Variants in BDP1 observed in about 807,000 individuals in gnomAD.
BDP1 encodes BDP1 general transcription factor IIIB subunit.
BDP1 carries 169 observed loss-of-function variants against 266.6 expected under a neutral mutation model. That is an observed-to-expected ratio of 0.63 (90% CI 0.56 to 0.72). The LOEUF (loss-of-function observed/expected upper bound fraction) is 0.72. Among genes scored for constraint, BDP1 ranks in the 30% least tolerant of loss-of-function variants. The pLI, the probability that BDP1 is intolerant of heterozygous loss-of-function variation, is 0.00. For missense variants in BDP1, 3,015 were observed against 3,053.8 expected (o/e 0.99, Z 0.30); for synonymous variants, 1,090 against 1,022.4 (o/e 1.07, Z -1.26).
chr5:71,524,407 C>A, intron 25 of BDP1, 84 bp downstream of exon 25: 1 of 1,331,982 alleles, frequency 7.5e-7, no homozygotes, highest in Non-Finnish European at 1.0e-6. Flanking sequence ...TATTTCTTCT[C>A]GTAGTGATTA....
chr5:71,497,254 A>C lies in BDP1; in HGVS notation c.1800-16A>C, dbSNP rs368482464. On this transcript the variant is annotated splice_polypyrimidine_tract_variant and intron_variant, in intron 12 of 38. Transcript: ENST00000358731. ...ACTGCATGTTTGATGCTATTTAAAT[A>C]ATGTTAATTTTTCAGGGAAATTGAT... 8 of 1,609,026 alleles carry C rather than the reference A, an allele frequency of 5.0e-6. No individual in the cohort carries two copies. Among genetic ancestry groups the C allele is most frequent in the Non-Finnish European group, 6.8e-6 (8 of 1,176,644 alleles).
chr5:71,457,452 A>T (rs1355373706), intron 1 of BDP1, among the ~76,000 whole-genome samples: 1 of 151,496 alleles, frequency 6.6e-6, no homozygotes, highest in Non-Finnish European at 1.5e-5. Context: ...AGTATCTGGG[A>T]CTACAGGCGT....
At chr5:71,480,569 C>T (rs1223574000) in intron 7 of BDP1, among the ~76,000 whole-genome samples, 2 of 68,818 alleles carry the variant, frequency 2.9e-5, no homozygotes, top group Non-Finnish European at 6.8e-5. Context: ...TGTGCCCGGC[C>T]ATTTTTTTTT....
chr5:71,516,724 C>T (rs1765243179), intron 21 of BDP1, among the ~76,000 whole-genome samples: 1 of 152,048 alleles, frequency 6.6e-6, no homozygotes, highest in Non-Finnish European at 1.5e-5. Context: ...GTATAACATG[C>T]TGTTTTGAGT....
At chr5:71,476,679 T>C (rs1762606640) in intron 7 of BDP1, among the ~76,000 whole-genome samples, 3 of 151,924 alleles carry the variant, frequency 2.0e-5, no homozygotes, top group African/African-American at 7.3e-5. Flanking sequence ...TAGCTTGGAA[T>C]TACAGGCGCG....
At position 71,498,880 on chromosome 5, in the gene BDP1, C is replaced by T. The variant is rs189844794; in HGVS notation, c.1956+1454C>T. 3.5e-3 allele frequency among the ~76,000 whole-genome samples: 528 copies of T among 151,908 alleles called. 3 individuals are homozygous for T. Among genetic ancestry groups the T allele is most frequent in the African/African-American group, 0.012 (496 of 41,464 alleles). The stretch of plus-strand genomic sequence containing the variant: ...CTGGGATTGCAGGCATGCACCACCA[C>T]GCCCAGCTAATTTTTGTATTTTCAG... On this transcript the variant is annotated intron_variant, in intron 13 of 38. Transcript: ENST00000358731.
chr5:71,469,946 A>C (rs973120379), intron 6 of BDP1, among the ~76,000 whole-genome samples: 3 of 150,270 alleles, frequency 2.0e-5, no homozygotes, highest in Admixed American at 6.7e-5. Flanking sequence ...GGTTCAAGCG[A>C]TTCTCCTGCC....
chr5:71,480,107 G>T (rs1762852326), intron 7 of BDP1, among the ~76,000 whole-genome samples: 1 of 151,148 alleles, frequency 6.6e-6, no homozygotes, highest in South Asian at 2.1e-4. Context: ...ACCATGCCTG[G>T]CTAATTTTTT....
intron 16 of BDP1, among the ~76,000 whole-genome samples, chr5:71,507,395 ACAAT>A (rs367858090): frequency 4.3e-4 from 66 of 152,344 alleles, no homozygotes; most frequent in African/African-American, 1.5e-3. Context: ...TTACTTAGAA[ACAAT>A]CAATCTATTG....
intron 3 of BDP1, 130 bp from the exon 4 acceptor site, chr5:71,463,928 G>A (rs1156844285): frequency 3.4e-6 from 2 of 581,692 alleles, no homozygotes; most frequent in Non-Finnish European, 6.0e-6. Flanking sequence ...GGATTGTACT[G>A]TCATTAACGA....
intron 25 of BDP1, among the ~76,000 whole-genome samples, 188 bp downstream of exon 25, chr5:71,524,511 C>T (rs1278518353): frequency 6.9e-6 from 1 of 144,670 alleles, no homozygotes; most frequent in African/African-American, 2.5e-5. Context: ...CCCTATGGCC[C>T]AGGCCCAGCA....
chr5:71,545,032 C>G lies in BDP1; in HGVS notation c.6564-7C>G. 1 of 1,612,600 alleles carries G rather than the reference C, an allele frequency of 6.2e-7. No individual in the cohort carries two copies. The stretch of plus-strand genomic sequence containing the variant: ...TCAAATGACATGCATGCTAAACTCT[C>G]TTTCAGAAACGAAAATCAAGAAGAG... On this transcript the variant is annotated splice_region_variant and splice_polypyrimidine_tract_variant and intron_variant, in intron 31 of 38. Transcript: ENST00000358731.
intron 3 of BDP1, among the ~76,000 whole-genome samples, chr5:71,463,829 TAAAAAAA>T (rs5868597): frequency 2.8e-4 from 40 of 144,492 alleles, no homozygotes; most frequent in African/African-American, 1.0e-3. Flanking sequence ...GTTGTTGTAT[TAAAAAAA>T]AAAAAAAAAA....
intron 26 of BDP1, among the ~76,000 whole-genome samples, chr5:71,535,024 A>G (rs1013463005): frequency 8.5e-5 from 13 of 152,254 alleles, no homozygotes; most frequent in African/African-American, 3.1e-4. Context: ...TTAGCTTTAT[A>G]TCCTGCAACT....
chr5:71,492,317 A>G (rs1763644276), intron 11 of BDP1, among the ~76,000 whole-genome samples: 2 of 152,158 alleles, frequency 1.3e-5, no homozygotes, highest in South Asian at 2.1e-4. Context: ...GACCCTCCAT[A>G]CTGTTTCCAA....
At chr5:71,548,658 T>C in intron 32 of BDP1, 24 bp from the exon 33 acceptor site, 1 of 1,541,376 alleles carries the variant, frequency 6.5e-7, no homozygotes, top group Non-Finnish European at 8.9e-7. Flanking sequence ...AACCTGACTC[T>C]TTCATTTTAA....
chr5:71,481,321 C>A (rs974162326), intron 7 of BDP1, among the ~76,000 whole-genome samples: 1 of 136,740 alleles, frequency 7.3e-6, no homozygotes. Context: ...GAGGCTGAGA[C>A]GGGAGGATTG....
chr5:71,512,863 TGGG>T (rs1765004277), intron 18 of BDP1, among the ~76,000 whole-genome samples: 1 of 151,944 alleles, frequency 6.6e-6, no homozygotes, highest in Non-Finnish European at 1.5e-5. Flanking sequence ...GAGACCAGCC[TGGG>T]CAACACGCTG....
At chr5:71,513,102 G>T in intron 18 of BDP1, 83 bp from the exon 19 acceptor site, 3 of 605,866 alleles carry the variant, frequency 5.0e-6, no homozygotes, top group East Asian at 3.2e-5. Context: ...AATGTTTACC[G>T]CCAGTCTCTA....
Sources: allele counts gnomAD v4.1 joint callset (sites outside exome capture counted in the v4.1 genomes callset), GRCh38; gene constraint gnomAD v4.1.1; transcripts MANE v1.5; gene names NCBI Gene and HGNC (gene_info 2026-07-23, HGNC 2026-07-21).